Variants in FLRT3 observed in about 807,000 individuals in gnomAD.
The protein encoded by FLRT3 is fibronectin leucine rich transmembrane protein 3.
A neutral mutation model predicts 42.6 loss-of-function variants in FLRT3; 17 were observed. The observed-to-expected ratio is 0.40, with a 90% CI of 0.27 to 0.60. The LOEUF (loss-of-function observed/expected upper bound fraction) is 0.60. Among genes scored for constraint, FLRT3 ranks in the 20% least tolerant of loss-of-function variants. The probability of loss-of-function intolerance (pLI) is 0.44; values close to 1 mark genes in which losing one functional copy is unlikely to be tolerated. For synonymous variants in FLRT3, 279 were observed against 286.4 expected, an observed-to-expected ratio of 0.97 and a Z score of 0.26; for missense variants, 635 against 789.2, an observed-to-expected ratio of 0.80 and a Z score of 2.34.
intron 1 of FLRT3, among the ~76,000 whole-genome samples, chr20:14,330,189 A>G (rs1329462583): frequency 6.6e-6 from 1 of 152,006 alleles, no homozygotes; most frequent in Non-Finnish European, 1.5e-5. Context: ...TGTATTTTTC[A>G]TTTCCAAAAG....
At position 14,326,255 on chromosome 20, in the gene FLRT3, C is replaced by G; in HGVS notation, c.1252G>C (p.Val418Leu). The G allele has an allele frequency of 6.2e-7, 1 of 1,613,920 alleles. No individual in the cohort carries two copies. The highest frequency in any genetic ancestry group is 1.1e-5 in the South Asian group (1 of 91,084). ...GAGATATGAATGGTATCAGAGGTGA[C>G]AGACTTCACAGTAATTGTAATTGTT... ...RKTITITVKS[V>L]TSDTIHISWK... The change falls in exon 3 of 3, where the codon GTC (valine) becomes CTC (leucine). Residue 418 changes from valine to leucine, a missense_variant. Physicochemically the swap from Val to Leu is conservative, Grantham distance 32. Transcript: ENST00000341420. The surrounding 1 kb of genome is among the most constrained non-coding windows in gnomAD (Gnocchi z 5.5).
At chr20:14,331,960 CA>C (rs992371763) in intron 1 of FLRT3, among the ~76,000 whole-genome samples, 16 of 152,138 alleles carry the variant, frequency 1.1e-4, no homozygotes, top group Admixed American at 9.8e-4. Context: ...TACTTCTGAA[CA>C]AAATGAATCG....
In FLRT3 at chr20:14,327,436, A is replaced by G; in HGVS notation, c.71T>C (p.Leu24Pro). The change falls in exon 3 of 3, where the codon CTA becomes CCA. Residue 24 changes from leucine (L) to proline (P), a missense_variant. Coordinates refer to ENST00000341420, the MANE Select transcript of FLRT3 (RefSeq NM_198391.3). ...TGGACAGGATTTAGCCATAACTGAT[A>G]GAGGTGCTACTTGAAGGAACAGCCC... ...KIGLFLQVAP[L>P]SVMAKSCPSV... is the part of the protein sequence containing the mutation. The G allele has an allele frequency of 6.2e-7, 1 of 1,613,588 alleles. No homozygotes were observed. Among genetic ancestry groups the G allele is most frequent in the South Asian group, 1.1e-5 (1 of 91,076 alleles).
At chr20:14,327,840 TCCAAAGTATTTTAATTA>T (rs1299135955) in intron 2 of FLRT3, among the ~76,000 whole-genome samples, 1 of 152,094 alleles carries the variant, frequency 6.6e-6, no homozygotes, top group African/African-American at 2.4e-5. Context: ...TATTGAATAA[TCCAAAGTATTTTAATTA>T]TACTTTATAT....
intron 1 of FLRT3, among the ~76,000 whole-genome samples, chr20:14,330,478 A>G (rs747652390): frequency 6.6e-6 from 1 of 152,080 alleles, no homozygotes; most frequent in Admixed American, 6.6e-5. Flanking sequence ...TCCATAATTC[A>G]GATACTCTGC....
chr20:14,335,442 C>T (rs1208475394), intron 1 of FLRT3, among the ~76,000 whole-genome samples: 5 of 151,964 alleles, frequency 3.3e-5, no homozygotes, highest in Admixed American at 6.5e-5. Context: ...ATTGTAGGCT[C>T]CTTAATTAAC....
At chr20:14,328,956 C>T (rs1190672621) in intron 2 of FLRT3, 178 bp downstream of exon 2, 1 of 151,934 alleles carries the variant, frequency 6.6e-6, no homozygotes, top group Non-Finnish European at 1.5e-5. Flanking sequence ...TTCTTATTGG[C>T]TCTTCTGTGC....
At chr20:14,334,999 T>C (rs151224875) in intron 1 of FLRT3, among the ~76,000 whole-genome samples, 3 of 152,264 alleles carry the variant, frequency 2.0e-5, no homozygotes, top group African/African-American at 2.4e-5. Context: ...AGATTTAATA[T>C]TGGTATGAAC....
rs1157340766 is a variant in FLRT3, at chr20:14,324,017, C to T, written c.*1540G>A. On this transcript the variant is annotated 3_prime_UTR_variant, in exon 3 of 3. Coordinates refer to ENST00000341420, the MANE Select transcript of FLRT3 (RefSeq NM_198391.3). ...ATGTTGATTTTTTAAAATTTTTAGC[C>T]AACTTTTATTTTTATGCCTAGAAAA... 2 of 152,026 alleles carry T rather than the reference C, an allele frequency of 1.3e-5. No individual in the cohort carries two copies. The highest frequency in any genetic ancestry group is 4.8e-5 in the African/African-American group (2 of 41,400). The allele number at this position is 152,026 out of a possible 1,614,324, so 9.4% of individuals were successfully genotyped here. A position where few individuals can be genotyped will look rare whatever the true frequency, so the allele number is the denominator to read the frequency against.
At chr20:14,333,583 A>G (rs892039383) in intron 1 of FLRT3, among the ~76,000 whole-genome samples, 13 of 152,166 alleles carry the variant, frequency 8.5e-5, no homozygotes, top group Non-Finnish European at 1.6e-4. Flanking sequence ...AAGTTTGCCT[A>G]CTTTTGTTAA....
At chr20:14,328,623 A>G (rs1012901266) in intron 2 of FLRT3, among the ~76,000 whole-genome samples, 9 of 152,218 alleles carry the variant, frequency 5.9e-5, no homozygotes, top group Non-Finnish European at 8.8e-5. Flanking sequence ...TGAATATCCA[A>G]TGCACATATA....
chr20:14,326,555 C>A lies in FLRT3; in HGVS notation c.952G>T (p.Asp318Tyr), dbSNP rs375651610. ...YCGCKMKWVR[D>Y]WLQSLPVKVN... Reference sequence around the variant, plus strand: ...TTCACAGGTAGTGATTGTAACCAGTCACGTACCCATTTCATCTTGCACCCG... The same window carrying A: ...TTCACAGGTAGTGATTGTAACCAGTAACGTACCCATTTCATCTTGCACCCG... Residue 318 changes from aspartate (D) to tyrosine (Y), a missense_variant, in exon 3 of 3, where the codon GAC (aspartate) becomes TAC (tyrosine). Asp to Tyr is a radical substitution (Grantham distance 160). Coordinates refer to ENST00000341420, the MANE Select transcript of FLRT3 (RefSeq NM_198391.3). The surrounding 1 kb of genome is among the most constrained non-coding windows in gnomAD (Gnocchi z 5.5). The A allele has an allele frequency of 6.2e-7, 1 of 1,613,792 alleles. No individual in the cohort carries two copies. Among genetic ancestry groups the A allele is most frequent in the African/African-American group, 1.3e-5 (1 of 74,898 alleles).
rs892200614 is a variant in FLRT3, at chr20:14,324,585, G to A, written c.*972C>T. 6.6e-6 allele frequency: 1 copy of A among 151,910 alleles called. No homozygotes were observed. Among genetic ancestry groups the A allele is most frequent in the Non-Finnish European group, 1.5e-5 (1 of 67,944 alleles). The allele number at this position is 151,910 out of a possible 1,614,324, so 9.4% of individuals were successfully genotyped here. ...TTTCTCTGGATTGTTGAGGGGAATCGCTTATAATTACATTACATTTTTAAT... is the reference window on the plus strand; with the variant it reads ...TTTCTCTGGATTGTTGAGGGGAATCACTTATAATTACATTACATTTTTAAT... On this transcript the variant is annotated 3_prime_UTR_variant, in exon 3 of 3. Transcript: ENST00000341420.
Position 14,326,202 on chromosome 20 carries a change from AGCAG to A in FLRT3, c.1301_1304del (p.Thr434IlefsTer2). On this transcript the variant is annotated frameshift_variant, in exon 3 of 3. Coordinates refer to ENST00000341420, the MANE Select transcript of FLRT3 (RefSeq NM_198391.3). LOFTEE classifies it high-confidence loss of function. This position sits in a 1 kb window ranked among gnomAD's most constrained non-coding sequence, Gnocchi z 5.5. ...CCAGTTTAAGCCAGCTGAGTCTCAAAGCAGTCATAGGTAGAGCAAGTTTCCAAGA... is the reference window on the plus strand; with the variant it reads ...CCAGTTTAAGCCAGCTGAGTCTCAAATCATAGGTAGAGCAAGTTTCCAAGA... The A allele has an allele frequency of 6.2e-7, 1 of 1,613,968 alleles. No homozygotes were observed. Among genetic ancestry groups the A allele is most frequent in the Non-Finnish European group, 8.5e-7 (1 of 1,179,880 alleles).
Position 14,326,354 on chromosome 20 carries a change from C to A in FLRT3, c.1153G>T (p.Val385Leu). The A allele has an allele frequency of 6.2e-7, 1 of 1,613,932 alleles. No individual in the cohort carries two copies. Among genetic ancestry groups the A allele is most frequent in the Non-Finnish European group, 8.5e-7 (1 of 1,179,868 alleles). ...TTCTTAATATCTGGCTGTTTGGTCACTGGAGCTGGCCACTGTCCTTGGGCA... is the reference window on the plus strand; with the variant it reads ...TTCTTAATATCTGGCTGTTTGGTCAATGGAGCTGGCCACTGTCCTTGGGCA... Reference protein sequence around the residue: ...YPAQGQWPAPVTKQPDIKNPK... With the variant: ...YPAQGQWPAPLTKQPDIKNPK... The change falls in exon 3 of 3, where the codon GTG (valine) becomes TTG (leucine). Residue 385 changes from valine (V) to leucine (L), a missense_variant. Val to Leu is a conservative substitution (Grantham distance 32, BLOSUM62 1). Coordinates refer to ENST00000341420, the MANE Select transcript of FLRT3 (RefSeq NM_198391.3). The surrounding 1 kb of genome is among the most constrained non-coding windows in gnomAD (Gnocchi z 5.5).
chr20:14,324,469 G>A lies in FLRT3; in HGVS notation c.*1088C>T, dbSNP rs2082703440. 1 of 152,538 alleles carries A rather than the reference G, an allele frequency of 6.6e-6. No homozygotes were observed. The highest frequency in any genetic ancestry group is 6.6e-5 in the Admixed American group (1 of 15,260). The allele number at this position is 152,538 out of a possible 1,614,324, so 9.4% of individuals were successfully genotyped here. On this transcript the variant is annotated 3_prime_UTR_variant, in exon 3 of 3. Coordinates refer to ENST00000341420, the MANE Select transcript of FLRT3 (RefSeq NM_198391.3). ...TTGTAAAAGTAAATTGAACATTTAT[G>A]TACAGTGTTAAAACCTTTGACATAA...
Position 14,327,144 on chromosome 20 carries a change from A to G in FLRT3, c.363T>C (p.Tyr121=), listed in dbSNP as rs752289875. 29 of 1,613,690 alleles carry G rather than the reference A, an allele frequency of 1.8e-5. No individual in the cohort carries two copies. The highest frequency in any genetic ancestry group is 1.5e-4 in the Admixed American group (9 of 59,970). ...LQENNIRTIT[Y]DSLSKIPYLE... ...GATAGGGAATTTTTGAAAGTGAATCATAAGTGATAGTCCTTATGTTATTTT... is the reference window on the plus strand; with the variant it reads ...GATAGGGAATTTTTGAAAGTGAATCGTAAGTGATAGTCCTTATGTTATTTT... The change falls in exon 3 of 3, where the codon TAT becomes TAC. Residue 121 remains tyrosine, a synonymous_variant. Coordinates refer to ENST00000341420, the MANE Select transcript of FLRT3 (RefSeq NM_198391.3).
intron 2 of FLRT3, 39 bp downstream of exon 2, chr20:14,329,095 T>A (rs1197352503): frequency 6.6e-6 from 1 of 152,132 alleles, no homozygotes; most frequent in Admixed American, 6.6e-5. Flanking sequence ...TATCCAAGTA[T>A]AAACTTTGTA....
intron 1 of FLRT3, among the ~76,000 whole-genome samples, chr20:14,335,564 T>C (rs535399835): frequency 1.9e-4 from 29 of 152,348 alleles, no homozygotes; most frequent in Non-Finnish European, 3.2e-4. Flanking sequence ...TCCAATTATA[T>C]ATCTCACAAA....
Sources: allele counts gnomAD v4.1 joint callset (sites outside exome capture counted in the v4.1 genomes callset), GRCh38; gene constraint gnomAD v4.1.1; non-coding constraint Gnocchi (gnomAD v3.1); transcripts MANE v1.5; gene names NCBI Gene and HGNC (gene_info 2026-07-23, HGNC 2026-07-21).